The following EYA2 variants were observed in gnomAD, a reference collection of about 807,000 sequenced individuals.
EYA2 encodes EYA transcriptional coactivator and phosphatase 2.
Under a neutral mutation model 69.2 loss-of-function variants are expected in EYA2, and 31 were observed. The observed-to-expected ratio is 0.45, with a 90% CI of 0.34 to 0.60. EYA2 has a LOEUF of 0.60. Ranked by LOEUF, EYA2 falls within the 20% of genes least tolerant of loss-of-function variation. The probability of loss-of-function intolerance (pLI) is 0.02; values close to 1 mark genes in which losing one functional copy is unlikely to be tolerated. For synonymous variants in EYA2, 257 were observed against 279.4 expected, an observed-to-expected ratio of 0.92 and a Z score of 0.80; for missense variants, 622 against 701.2, an observed-to-expected ratio of 0.89 and a Z score of 1.28.
intron 5 of EYA2, among the ~76,000 whole-genome samples, chr20:47,029,248 T>C (rs1274413095): frequency 6.6e-6 from 1 of 152,218 alleles, no homozygotes; most frequent in Non-Finnish European, 1.5e-5. Context: ...CCACATCAGC[T>C]GGAAGAATAA....
chr20:46,987,916 G>GACTCTCTCTCTCTC (rs56288405), intron 1 of EYA2, among the ~76,000 whole-genome samples: 570 of 20,354 alleles, frequency 0.028, 190 homozygotes, highest in Admixed American at 0.042. Flanking sequence ...GACAGAGTAA[G>GACTCTCTCTCTCTC]TCTCTCTCTC....
At chr20:47,116,994 A>ATTTTTTT (rs11482114) in intron 9 of EYA2, among the ~76,000 whole-genome samples, 3 of 117,030 alleles carry the variant, frequency 2.6e-5, no homozygotes, top group African/African-American at 6.7e-5. Flanking sequence ...ATGCATCTGC[A>ATTTTTTT]TTTTTTTTTT....
In EYA2 at chr20:47,183,284, C is replaced by T. The variant is rs1434830527; in HGVS notation, c.1436-7C>T. 23 of 1,612,864 alleles carry T rather than the reference C, an allele frequency of 1.4e-5. No individual in the cohort carries two copies. The highest frequency in any genetic ancestry group is 5.5e-5 in the South Asian group (5 of 90,900). On this transcript the variant is annotated splice_region_variant and splice_polypyrimidine_tract_variant and intron_variant, in intron 14 of 15. Transcript: ENST00000327619. ...GCGTTTTTTCTTTCCTTCCTGTGTG[C>T]GTGCAGGGAAGGAGAGCTGCTTCGA...
At chr20:47,063,784 C>A (rs2031002505) in intron 5 of EYA2, among the ~76,000 whole-genome samples, 1 of 152,154 alleles carries the variant, frequency 6.6e-6, no homozygotes, top group African/African-American at 2.4e-5. Context: ...ATATTTAAAC[C>A]CCGGAAAACT....
Position 47,080,035 on chromosome 20 carries a change from T to C in EYA2, c.661+5700T>C, listed in dbSNP as rs539201402. Among the ~76,000 whole-genome samples, 335 of 152,354 alleles carry C rather than the reference T, an allele frequency of 2.2e-3. 1 individual carries two copies. Among genetic ancestry groups the C allele is most frequent in the African/African-American group, 7.8e-3 (325 of 41,574 alleles). On this transcript the variant is annotated intron_variant, in intron 7 of 15. Coordinates refer to ENST00000327619, the MANE Select transcript of EYA2 (RefSeq NM_005244.5). ...TCCACCCAACAGCAGCAAATACACA[T>C]TCTTTTCAAGTGCACATGGGACATT...
chr20:47,175,312 A>G (rs1487891849), intron 12 of EYA2, among the ~76,000 whole-genome samples: 2 of 152,250 alleles, frequency 1.3e-5, no homozygotes, highest in Non-Finnish European at 2.9e-5. Context: ...CAGAATAGAG[A>G]AAATGCTTAG....
chr20:47,056,826 C>T (rs2030634869), intron 5 of EYA2, among the ~76,000 whole-genome samples: 1 of 152,086 alleles, frequency 6.6e-6, no homozygotes, highest in Non-Finnish European at 1.5e-5. Flanking sequence ...GGGCAGATTG[C>T]TTGAGCCCAG....
intron 9 of EYA2, among the ~76,000 whole-genome samples, chr20:47,125,214 C>T (rs534839311): frequency 5.3e-5 from 8 of 152,030 alleles, no homozygotes; most frequent in African/African-American, 1.4e-4. Flanking sequence ...CCACTATGCC[C>T]GGCTAATTTT....
At chr20:47,184,854 A>C (rs1214164001) in intron 15 of EYA2, among the ~76,000 whole-genome samples, 1 of 152,188 alleles carries the variant, frequency 6.6e-6, no homozygotes, top group Non-Finnish European at 1.5e-5. Flanking sequence ...TACGAGTTTC[A>C]AACACGGTTG....
chr20:46,991,981 A>C (rs1445395761), intron 2 of EYA2, among the ~76,000 whole-genome samples: 1 of 140,906 alleles, frequency 7.1e-6, no homozygotes, highest in Non-Finnish European at 1.5e-5. Flanking sequence ...AAAAAAAAAA[A>C]AAAAACGCTG....
intron 1 of EYA2, among the ~76,000 whole-genome samples, chr20:46,969,151 G>A (rs756552579): frequency 1.3e-5 from 2 of 152,198 alleles, no homozygotes; most frequent in East Asian, 1.9e-4. Flanking sequence ...GGAGTCAGAG[G>A]CTCCATCTGT....
At chr20:47,117,212 G>A (rs1449373267) in intron 9 of EYA2, among the ~76,000 whole-genome samples, 3 of 151,946 alleles carry the variant, frequency 2.0e-5, no homozygotes, top group African/African-American at 7.3e-5. Flanking sequence ...GGGGTTTCAC[G>A]ATGGCCAGGC....
intron 1 of EYA2, among the ~76,000 whole-genome samples, chr20:46,927,509 G>A (rs1226039897): frequency 6.6e-6 from 1 of 150,842 alleles, no homozygotes; most frequent in East Asian, 2.0e-4. Context: ...GACTGGGGAG[G>A]CCTCACAATC....
intron 5 of EYA2, among the ~76,000 whole-genome samples, chr20:47,053,560 A>G (rs111834345): frequency 0.029 from 4,349 of 151,202 alleles, 149 homozygotes; most frequent in African/African-American, 0.089. Context: ...TCGGCTACTC[A>G]GGAGGCTGAG....
intron 1 of EYA2, among the ~76,000 whole-genome samples, chr20:46,925,617 A>AAT (rs1205801578): frequency 6.6e-6 from 1 of 152,230 alleles, no homozygotes; most frequent in Non-Finnish European, 1.5e-5. Context: ...AGAGATATGC[A>AAT]ATTAAAATCC....
intron 1 of EYA2, among the ~76,000 whole-genome samples, chr20:46,976,478 C>T (rs532409860): frequency 6.6e-5 from 10 of 152,256 alleles, no homozygotes; most frequent in East Asian, 1.9e-4. Context: ...CTCCGCCTCC[C>T]GGGTTCACGC....
intron 9 of EYA2, among the ~76,000 whole-genome samples, chr20:47,101,544 T>C (rs1273678682): frequency 2.0e-5 from 3 of 152,228 alleles, no homozygotes; most frequent in African/African-American, 7.2e-5. Context: ...AAAATTTAGA[T>C]ATTCTATTAC....
chr20:47,083,986 C>T (rs1428340134), intron 7 of EYA2, among the ~76,000 whole-genome samples: 1 of 152,180 alleles, frequency 6.6e-6, no homozygotes, highest in Non-Finnish European at 1.5e-5. Flanking sequence ...TGGCTCATGC[C>T]TGTAATCCCA....
chr20:47,029,463 T>C (rs770754077), intron 5 of EYA2, among the ~76,000 whole-genome samples: 14 of 152,248 alleles, frequency 9.2e-5, no homozygotes, highest in Non-Finnish European at 1.9e-4. Flanking sequence ...TTGTAACCAG[T>C]GGGTGGCCAA....
Sources: allele counts gnomAD v4.1 joint callset (sites outside exome capture counted in the v4.1 genomes callset), GRCh38; gene constraint gnomAD v4.1.1; transcripts MANE v1.5; gene names NCBI Gene and HGNC (gene_info 2026-07-23, HGNC 2026-07-21).